The following PTPRT variants were observed in gnomAD, a reference collection of about 807,000 sequenced individuals.
The protein encoded by PTPRT is protein tyrosine phosphatase receptor type T.
Under a neutral mutation model 176.8 loss-of-function variants are expected in PTPRT, and 56 were observed. That is an observed-to-expected ratio of 0.32 (90% confidence interval 0.26 to 0.40). PTPRT has a LOEUF of 0.40. PTPRT is among the 10% of genes least tolerant of loss of function. The pLI is 1.00. For missense variants in PTPRT, 1,540 were observed against 1,908.2 expected (o/e 0.81, Z 3.60); for synonymous variants, 783 against 739.0 (o/e 1.06, Z -0.96).
At chr20:42,603,134 A>C (rs959543268) in intron 7 of PTPRT, among the ~76,000 whole-genome samples, 2 of 152,180 alleles carry the variant, frequency 1.3e-5, no homozygotes, top group Non-Finnish European at 2.9e-5. Context: ...TCTAGTGATG[A>C]GTGACAGAAG....
chr20:42,665,030 T>C lies in PTPRT; in HGVS notation c.1153+12836A>G, dbSNP rs549009051. Among the ~76,000 whole-genome samples, 598 of 152,210 alleles carry C rather than the reference T, an allele frequency of 3.9e-3. 4 individuals are homozygous for C. The highest frequency in any genetic ancestry group is 5.9e-3 in the Non-Finnish European group (401 of 68,008). ...AACCTAGGCAATACCATTCAGGACA[T>C]AGGCATGGGCAAGGACTTCATGTCT... On this transcript the variant is annotated intron_variant, in intron 7 of 30. Transcript: ENST00000373187.
chr20:42,980,605 A>G (rs1435581078), intron 1 of PTPRT, among the ~76,000 whole-genome samples: 1 of 152,110 alleles, frequency 6.6e-6, no homozygotes, highest in Non-Finnish European at 1.5e-5. Context: ...TGCAGCCTGT[A>G]TTGTGTGTGG....
At chr20:42,586,325 T>C (rs1364815130) in intron 7 of PTPRT, among the ~76,000 whole-genome samples, 5 of 152,232 alleles carry the variant, frequency 3.3e-5, no homozygotes, top group Non-Finnish European at 5.9e-5. Context: ...CAAGGATGTT[T>C]AGCTCCATCA....
At chr20:42,663,600 G>A (rs1021915764) in intron 7 of PTPRT, among the ~76,000 whole-genome samples, 25 of 152,158 alleles carry the variant, frequency 1.6e-4, no homozygotes, top group African/African-American at 5.3e-4. Flanking sequence ...TCCATGTGCA[G>A]AATTTGAAAT....
At chr20:42,117,666 A>C (rs75306403) in intron 21 of PTPRT, among the ~76,000 whole-genome samples, 114 of 152,296 alleles carry the variant, frequency 7.5e-4, no homozygotes, top group African/African-American at 2.7e-3. Flanking sequence ...TGCGAGTGAT[A>C]TTGACAATAT....
chr20:42,987,035 T>C (rs1164287779), intron 1 of PTPRT, among the ~76,000 whole-genome samples: 2 of 152,180 alleles, frequency 1.3e-5, no homozygotes, highest in Non-Finnish European at 2.9e-5. Context: ...GTACTGGGGC[T>C]GTAGGAAGGC....
intron 7 of PTPRT, among the ~76,000 whole-genome samples, chr20:42,476,804 C>A (rs542762366): frequency 6.6e-6 from 1 of 152,116 alleles, no homozygotes; most frequent in African/African-American, 2.4e-5. Context: ...AACAACTCGA[C>A]GGTATAGGAA....
At chr20:42,458,838 G>T (rs573698482) in intron 8 of PTPRT, among the ~76,000 whole-genome samples, 2 of 152,146 alleles carry the variant, frequency 1.3e-5, no homozygotes, top group African/African-American at 4.8e-5. Flanking sequence ...TGTATTTATT[G>T]TGTCCTTATT....
chr20:42,439,470 G>A (rs2059292895), intron 9 of PTPRT, among the ~76,000 whole-genome samples: 1 of 152,066 alleles, frequency 6.6e-6, no homozygotes, highest in African/African-American at 2.4e-5. Context: ...GCAACCTTGA[G>A]GGAAAAAAGA....
chr20:42,660,006 T>C (rs1468823117), intron 7 of PTPRT, among the ~76,000 whole-genome samples: 3 of 152,108 alleles, frequency 2.0e-5, no homozygotes, highest in Non-Finnish European at 4.4e-5. Context: ...AAAATTACTT[T>C]ACTCCTCAGA....
rs1982889185 is a variant in PTPRT, at chr20:42,077,484, T to C, written c.*3395A>G. 2 of 222,178 alleles carry C rather than the reference T, an allele frequency of 9.0e-6. No homozygotes were observed. The highest frequency in any genetic ancestry group is 5.8e-5 in the Admixed American group (1 of 17,362). The allele number at this position is 222,178 out of a possible 1,614,324, so 13.8% of individuals were successfully genotyped here. On this transcript the variant is annotated 3_prime_UTR_variant, in exon 31 of 31. Coordinates refer to ENST00000373187, the MANE Select transcript of PTPRT (RefSeq NM_007050.6). ...CATTAATAATATTTTCCTCTGCTCA[T>C]GACAGGCTGAGCTCACCCTGTAAAT...
chr20:42,110,222 A>C, intron 23 of PTPRT, 111 bp downstream of exon 23: 1 of 1,021,746 alleles, frequency 9.8e-7, no homozygotes, highest in Non-Finnish European at 1.4e-6. Context: ...AAGTTTTTGT[A>C]TCTTTCTTTA....
In PTPRT at chr20:42,734,235, G is replaced by T. The variant is rs187505092; in HGVS notation, c.859+22227C>A. ...GACTGGGATCCTCATAGACCTCTGG[G>T]ACAGTAGGTTCTGGGGAGTGACATT... is the stretch of plus-strand genomic sequence containing the variant. On this transcript the variant is annotated intron_variant, in intron 6 of 30. Coordinates refer to ENST00000373187, the MANE Select transcript of PTPRT (RefSeq NM_007050.6). 2.0e-3 allele frequency among the ~76,000 whole-genome samples: 304 copies of T among 152,266 alleles called. 4 individuals are homozygous for T. Among genetic ancestry groups the T allele is most frequent in the African/African-American group, 6.7e-3 (280 of 41,562 alleles).
intron 7 of PTPRT, among the ~76,000 whole-genome samples, chr20:42,483,009 T>C (rs1391849390): frequency 6.6e-6 from 1 of 152,160 alleles, no homozygotes; most frequent in Non-Finnish European, 1.5e-5. Flanking sequence ...AATATGATGA[T>C]AATGCAAATA....
intron 9 of PTPRT, among the ~76,000 whole-genome samples, chr20:42,386,181 A>G (rs2058742401): frequency 6.6e-6 from 1 of 152,210 alleles, no homozygotes; most frequent in Admixed American, 6.5e-5. Flanking sequence ...AGGATGTAAA[A>G]GGTAAGGTCT....
At chr20:42,893,699 A>C (rs1465036166) in intron 1 of PTPRT, among the ~76,000 whole-genome samples, 1 of 151,890 alleles carries the variant, frequency 6.6e-6, no homozygotes, top group African/African-American at 2.4e-5. Context: ...TGATGAGTTC[A>C]TGTCCTTTGT....
intron 1 of PTPRT, among the ~76,000 whole-genome samples, chr20:43,143,850 G>A (rs1426200511): frequency 6.6e-6 from 1 of 152,190 alleles, no homozygotes; most frequent in Non-Finnish European, 1.5e-5. Context: ...ACCAGACCAG[G>A]ATGGTGTCTA....
chr20:42,041,913 A>G, the PTPRT span, among the ~76,000 whole-genome samples: 4 of 152,096 alleles, frequency 2.6e-5, no homozygotes, highest in Non-Finnish European at 4.4e-5. Context: ...CTTCCTTCCT[A>G]TGCCCTAGCT....
the PTPRT span, among the ~76,000 whole-genome samples, chr20:42,065,005 A>C: frequency 1.3e-5 from 2 of 152,222 alleles, no homozygotes; most frequent in Non-Finnish European, 2.9e-5. Flanking sequence ...TGAAGAGGCC[A>C]CATGAAGGCA....
Sources: gnomAD v4.1 joint callset for allele counts (sites outside exome capture counted in the v4.1 genomes callset) on GRCh38, gnomAD v4.1.1 for gene constraint, MANE v1.5 for transcripts, NCBI Gene and HGNC (gene_info 2026-07-23, HGNC 2026-07-21) for gene names.